Variants in DCAF10 observed in about 807,000 individuals in gnomAD.
DCAF10 encodes the protein DDB1- and CUL4-associated factor 10.
Under a neutral mutation model 51.9 loss-of-function variants are expected in DCAF10, and 19 were observed. The ratio of observed to expected loss-of-function variants is 0.37; its 90% CI spans 0.26 to 0.54. The LOEUF (loss-of-function observed/expected upper bound fraction) is 0.54, where lower values mean the gene tolerates loss of function less well. DCAF10 is among the 20% of genes least tolerant of loss of function. DCAF10 has a pLI of 0.87. For missense variants in DCAF10, 510 were observed against 730.6 expected, an observed-to-expected ratio of 0.70 and a Z score of 3.48; for synonymous variants, 291 against 297.1, an observed-to-expected ratio of 0.98 and a Z score of 0.21.
At chr9:37,807,658 CTTT>C (rs5897701) in intron 1 of DCAF10, among the ~76,000 whole-genome samples, 6 of 72,540 alleles carry the variant, frequency 8.3e-5, no homozygotes, top group African/African-American at 5.3e-5. Context: ...CTTTTCTTTT[CTTT>C]TTTTTTTTTT....
At chr9:37,834,456 A>G (rs1830093356) in intron 2 of DCAF10, among the ~76,000 whole-genome samples, 1 of 152,162 alleles carries the variant, frequency 6.6e-6, no homozygotes, top group Admixed American at 6.5e-5. Context: ...AGTTTTTTAA[A>G]TGACCTTATT....
chr9:37,800,617 C>T (rs1828885885), upstream of DCAF10: 1 of 1,536,052 alleles, frequency 6.5e-7, no homozygotes, highest in Admixed American at 2.0e-5. Flanking sequence ...CCACCCAGAT[C>T]AGGTGCCCAG....
At chr9:37,814,110 A>T (rs866958192) in intron 1 of DCAF10, among the ~76,000 whole-genome samples, 1,205 of 88,988 alleles carry the variant, frequency 0.014, 39 homozygotes, top group African/African-American at 0.049. Flanking sequence ...ATATATATAT[A>T]TATATATATA....
intron 2 of DCAF10, among the ~76,000 whole-genome samples, chr9:37,827,172 A>G (rs1458754000): frequency 1.3e-5 from 2 of 152,176 alleles, no homozygotes; most frequent in African/African-American, 2.4e-5. Flanking sequence ...AAGCAACTAC[A>G]TGCGATCAGA....
At chr9:37,824,566 AT>A (rs1254471788) in intron 2 of DCAF10, among the ~76,000 whole-genome samples, 1 of 150,810 alleles carries the variant, frequency 6.6e-6, no homozygotes, top group Non-Finnish European at 1.5e-5. Flanking sequence ...AAAAAAAAAA[AT>A]TTAAATGAAG....
In DCAF10 at chr9:37,854,760, T is replaced by G. The variant is rs546086433; in HGVS notation, c.852-20T>G. On this transcript the variant is annotated intron_variant, in intron 3 of 6. Coordinates refer to ENST00000377724, the MANE Select transcript of DCAF10 (RefSeq NM_024345.5). ...TATTTATGATAACTCTAGATTTTGT[T>G]GGCTTGGTTTCTCCTGTAGGTATAC... 1 of 1,598,744 alleles carries G rather than the reference T, an allele frequency of 6.3e-7. No individual in the cohort carries two copies. The highest frequency in any genetic ancestry group is 1.8e-5 in the Admixed American group (1 of 56,612).
intron 1 of DCAF10, among the ~76,000 whole-genome samples, chr9:37,809,903 C>T (rs112299408): frequency 0.18 from 27,869 of 151,822 alleles, 2,830 homozygotes; most frequent in African/African-American, 0.26. Context: ...GTAATCCCAG[C>T]ATTTTGGGAG....
At chr9:37,819,491 T>A in intron 2 of DCAF10, 90 bp downstream of exon 2, 1 of 874,320 alleles carries the variant, frequency 1.1e-6, no homozygotes, top group Non-Finnish European at 1.8e-6. Context: ...GTTTAATGCC[T>A]TATCCAGCAC....
At chr9:37,816,638 T>C (rs1829542131) in intron 1 of DCAF10, among the ~76,000 whole-genome samples, 1 of 137,156 alleles carries the variant, frequency 7.3e-6, no homozygotes, top group African/African-American at 2.5e-5. Flanking sequence ...TAATATAATC[T>C]CAATTAACAT....
In DCAF10 at chr9:37,860,029, T is replaced by C; in HGVS notation, c.1166-19T>C. 1 of 1,613,564 alleles carries C rather than the reference T, an allele frequency of 6.2e-7. No homozygotes were observed. Among genetic ancestry groups the C allele is most frequent in the Middle Eastern group, 1.7e-4 (1 of 6,058 alleles). On this transcript the variant is annotated intron_variant, in intron 5 of 6. Transcript: ENST00000377724. ...TTTTGATAATACAAATCCCACATCC[T>C]CATTTTCTTATATCTCAGGAGTTTC...
rs745311749 is a variant in DCAF10 at position 37,801,207 on chromosome 9, C to T, written c.341C>T (p.Ala114Val). Reference sequence around the variant, plus strand: ...AGCCGGGGCCGACACGGCCTCGGCGCGGGCCTGGGCGGCCCTGGCGCTAGG... The same window carrying T: ...AGCCGGGGCCGACACGGCCTCGGCGTGGGCCTGGGCGGCCCTGGCGCTAGG... ...AKSRGRHGLGAGLGGPGARLF... is the reference protein window; with the variant it reads ...AKSRGRHGLGVGLGGPGARLF... Residue 114 changes from alanine (A) to valine (V), a missense_variant, in exon 1 of 7, where the codon GCG (alanine) becomes GTG (valine). Ala to Val is a moderately conservative substitution (Grantham distance 64). This residue lies in a region of DCAF10 where 251 missense variants were observed against 227.9 expected (regional missense o/e 1.10). Coordinates refer to ENST00000377724, the MANE Select transcript of DCAF10 (RefSeq NM_024345.5). The surrounding 1 kb of genome is among the most constrained non-coding windows in gnomAD (Gnocchi z 5.5). 128 of 1,553,430 alleles carry T rather than the reference C, an allele frequency of 8.2e-5. 1 individual carries two copies. The highest frequency in any genetic ancestry group is 6.7e-4 in the South Asian group (56 of 83,994).
At chr9:37,849,780 T>C (rs1316781566) in intron 3 of DCAF10, among the ~76,000 whole-genome samples, 1 of 152,006 alleles carries the variant, frequency 6.6e-6, no homozygotes. Context: ...CTCAGGAGGC[T>C]GAGGAAGGAG....
rs774021560 is a variant in DCAF10, at chr9:37,800,917, C to G, written c.51C>G (p.Ala17=). 35 of 1,496,202 alleles carry G rather than the reference C, an allele frequency of 2.3e-5. No homozygotes were observed. The highest frequency in any genetic ancestry group is 7.7e-5 in the South Asian group (6 of 77,898). 92.7% of individuals were successfully genotyped at this position (1,496,202 alleles called of 1,614,324 possible). The change falls in exon 1 of 7, where the codon GCC becomes GCG. Residue 17 remains alanine (A), a synonymous_variant. Transcript: ENST00000377724. ...CTGGAGGGGACGGATCGGCCGGAGC[C>G]GGGGCTGAGGAGCCGACGCCCCACG... is the stretch of plus-strand genomic sequence containing the variant. ...HSPGGDGSAG[A]GAEEPTPHEG...
At chr9:37,823,370 G>A (rs1001410095) in intron 2 of DCAF10, among the ~76,000 whole-genome samples, 4 of 152,286 alleles carry the variant, frequency 2.6e-5, no homozygotes, top group African/African-American at 9.6e-5. Flanking sequence ...AGCCACCAAA[G>A]TTAGAAGCCA....
intron 3 of DCAF10, among the ~76,000 whole-genome samples, chr9:37,851,485 G>A (rs1587124404): frequency 6.8e-6 from 1 of 146,084 alleles, no homozygotes; most frequent in Non-Finnish European, 1.5e-5. Context: ...TAGCCAATAA[G>A]CAAATTTTAA....
intron 6 of DCAF10, chr9:37,860,454 T>C (rs1830981769): frequency 5.8e-6 from 2 of 344,262 alleles, no homozygotes; most frequent in Non-Finnish European, 1.0e-5. Context: ...GCTCAGTTTT[T>C]GCCCAGCTTC....
chr9:37,859,209 C>A (rs1467471328), intron 5 of DCAF10, among the ~76,000 whole-genome samples: 2 of 152,190 alleles, frequency 1.3e-5, no homozygotes, highest in African/African-American at 4.8e-5. Flanking sequence ...AACACATCTG[C>A]TTGACAAGCA....
intron 2 of DCAF10, among the ~76,000 whole-genome samples, chr9:37,833,474 AT>A (rs934385953): frequency 3.7e-4 from 56 of 151,868 alleles, no homozygotes; most frequent in African/African-American, 1.1e-3. Context: ...TTTTCATTTA[AT>A]TTTTTTTTAA....
rs1420500868 is a variant in DCAF10 at position 37,801,068 on chromosome 9, TC to T, written c.204del (p.Gly69GlufsTer3). 3 of 1,531,002 alleles carry T rather than the reference TC, an allele frequency of 2.0e-6. No individual in the cohort carries two copies. The highest frequency in any genetic ancestry group is 1.4e-5 in the African/African-American group (1 of 70,248). The allele number at this position is 1,531,002 out of a possible 1,614,324, so 94.8% of individuals were successfully genotyped here. On this transcript the variant is annotated frameshift_variant, in exon 1 of 7. Coordinates refer to ENST00000377724, the MANE Select transcript of DCAF10 (RefSeq NM_024345.5). LOFTEE classifies it high-confidence loss of function. This position sits in a 1 kb window ranked among gnomAD's most constrained non-coding sequence, Gnocchi z 5.5. ...CCCATCGCTGTCCCCGGCCCCGCGC[TC>T]CGGAGAGCTAGGGCTGCCTGGAGCT... is the stretch of plus-strand genomic sequence containing the variant. ...GAPSLSPAPR[S>X]GELGLPGAPE...
Sources: allele counts gnomAD v4.1 joint callset (sites outside exome capture counted in the v4.1 genomes callset), GRCh38; gene constraint gnomAD v4.1.1; regional missense constraint gnomAD v4.1.1; non-coding constraint Gnocchi (gnomAD v3.1); transcripts MANE v1.5; gene names NCBI Gene and HGNC (gene_info 2026-07-23, HGNC 2026-07-21).